Variants in PEX5L observed in about 807,000 individuals in gnomAD.
The protein encoded by PEX5L is peroxisomal biogenesis factor 5 like, also known as PEX5-related protein.
In PEX5L, 30 loss-of-function variants were observed where a neutral mutation model predicts 84.0. That is an observed-to-expected ratio of 0.36 (90% CI 0.27 to 0.48). The LOEUF is 0.48. PEX5L is among the 20% of genes least tolerant of loss of function. PEX5L has a pLI of 0.99. For missense variants in PEX5L, 533 were observed against 754.6 expected (o/e 0.71, Z 3.44); for synonymous variants, 270 against 283.1 (o/e 0.95, Z 0.46).
chr3:179,926,442 T>C (rs1771479656), intron 2 of PEX5L, among the ~76,000 whole-genome samples: 1 of 152,164 alleles, frequency 6.6e-6, no homozygotes, highest in African/African-American at 2.4e-5. Flanking sequence ...GCAGTTGCTG[T>C]CCCTTCTGCC....
At chr3:179,999,980 C>T (rs916969875) in intron 1 of PEX5L, among the ~76,000 whole-genome samples, 7 of 152,310 alleles carry the variant, frequency 4.6e-5, no homozygotes, top group Admixed American at 3.3e-4. Context: ...TCTGAATCAG[C>T]GTCCAATATA....
At chr3:179,966,796 T>C (rs1380516273) in intron 2 of PEX5L, among the ~76,000 whole-genome samples, 2 of 152,186 alleles carry the variant, frequency 1.3e-5, no homozygotes, top group Admixed American at 6.6e-5. Flanking sequence ...TAGTGTCCGT[T>C]GCTTTCTGCT....
intron 2 of PEX5L, among the ~76,000 whole-genome samples, chr3:179,947,856 G>A (rs551695866): frequency 6.6e-5 from 10 of 151,806 alleles, no homozygotes; most frequent in South Asian, 2.1e-4. Flanking sequence ...ACAGGCACCC[G>A]CCACCACGCC....
chr3:179,927,453 G>A (rs1202006092), intron 2 of PEX5L, among the ~76,000 whole-genome samples: 2 of 152,168 alleles, frequency 1.3e-5, no homozygotes, highest in African/African-American at 4.8e-5. Context: ...GTAGGCAGGG[G>A]CTAGCCTGTG....
Position 180,027,031 on chromosome 3 carries a change from T to C in PEX5L, c.21+9548A>G, listed in dbSNP as rs1391766621. On this transcript the variant is annotated intron_variant, in intron 1 of 14. Transcript: ENST00000467460. Reference sequence around the variant, plus strand: ...CTGCCCTCCATTTTGAAATAGGATTTTGGACACAGACAAGTAGCCATGGTA... The same window carrying C: ...CTGCCCTCCATTTTGAAATAGGATTCTGGACACAGACAAGTAGCCATGGTA... Among the ~76,000 whole-genome samples, 3 of 152,172 alleles carry C rather than the reference T, an allele frequency of 2.0e-5. No homozygotes were observed. The East Asian group carries it at 5.8e-4, about 29-fold the overall frequency.
intron 3 of PEX5L, among the ~76,000 whole-genome samples, chr3:179,892,543 T>A (rs1224324107): frequency 6.6e-6 from 1 of 152,150 alleles, no homozygotes; most frequent in African/African-American, 2.4e-5. Flanking sequence ...TCTAACTGAA[T>A]GGTAAACTGT....
intron 2 of PEX5L, chr3:179,900,785 T>G: frequency 7.6e-7 from 1 of 1,311,182 alleles, no homozygotes; most frequent in Non-Finnish European, 1.1e-6. Flanking sequence ...GCAACTTTTT[T>G]CTTTACAGCC....
chr3:179,818,241 A>G (rs1337848127), intron 9 of PEX5L, among the ~76,000 whole-genome samples: 1 of 151,852 alleles, frequency 6.6e-6, no homozygotes, highest in Non-Finnish European at 1.5e-5. Context: ...ATACTTATCT[A>G]TATATAGTTT....
rs541871407 is a variant in PEX5L, at chr3:180,015,181, G to A, written c.21+21398C>T. Among the ~76,000 whole-genome samples, 28 of 152,262 alleles carry A rather than the reference G, an allele frequency of 1.8e-4. No homozygotes were observed. The South Asian group carries it at 2.5e-3, about 14-fold the overall frequency. ...TTTTGCTGGAAGATGGGTTGGCTCC[G>A]TAAACCCCTTGAGGACAGGAACCAC... On this transcript the variant is annotated intron_variant, in intron 1 of 14. Coordinates refer to ENST00000467460, the MANE Select transcript of PEX5L (RefSeq NM_016559.3).
rs199952450 is a variant in PEX5L at position 179,824,460 on chromosome 3, CT to C, written c.823-4485del. Among the ~76,000 whole-genome samples the C allele has an allele frequency of 9.2e-3, 1,394 of 152,158 alleles. 18 individuals carry two copies. The highest frequency in any genetic ancestry group is 0.032 in the African/African-American group (1,327 of 41,496). ...GTGGCTCACGCCTGTAATCCCAAGA[CT>C]TTGGGAGACTGAGGCAGGTGGATCA... On this transcript the variant is annotated intron_variant, in intron 8 of 14. Coordinates refer to ENST00000467460, the MANE Select transcript of PEX5L (RefSeq NM_016559.3).
Position 179,798,763 on chromosome 3 carries a change from C to G in PEX5L, c.*3065G>C, listed in dbSNP as rs1376803701. On this transcript the variant is annotated 3_prime_UTR_variant, in exon 15 of 15. Coordinates refer to ENST00000467460, the MANE Select transcript of PEX5L (RefSeq NM_016559.3). ...GAAAGAGTAATTTAAATGACAATTT[C>G]ATGCCATGAAGATAAGATGCCAAAA... 1.3e-5 allele frequency: 2 copies of G among 152,152 alleles called. No individual in the cohort carries two copies. The highest frequency in any genetic ancestry group is 4.8e-5 in the African/African-American group (2 of 41,420). The allele number at this position is 152,152 out of a possible 1,614,324, so 9.4% of individuals were successfully genotyped here. A position where few individuals can be genotyped will look rare whatever the true frequency, so the allele number is the denominator to read the frequency against.
At chr3:179,968,557 T>C (rs991594030) in intron 2 of PEX5L, among the ~76,000 whole-genome samples, 1 of 152,160 alleles carries the variant, frequency 6.6e-6, no homozygotes, top group African/African-American at 2.4e-5. Context: ...ATGTCAAATG[T>C]TTGGGTTTTG....
chr3:179,800,803 T>C lies in PEX5L; in HGVS notation c.*1025A>G, dbSNP rs189551309. 19 of 152,334 alleles carry C rather than the reference T, an allele frequency of 1.2e-4. No individual in the cohort carries two copies. Among genetic ancestry groups the C allele is most frequent in the Admixed American group, 2.6e-4 (4 of 15,306 alleles). The allele number at this position is 152,334 out of a possible 1,614,324, so 9.4% of individuals were successfully genotyped here. A position where few individuals can be genotyped will look rare whatever the true frequency, so the allele number is the denominator to read the frequency against. On this transcript the variant is annotated 3_prime_UTR_variant, in exon 15 of 15. Coordinates refer to ENST00000467460, the MANE Select transcript of PEX5L (RefSeq NM_016559.3). ...TAAGAAATATTATTTAAAATATTTA[T>C]GGTTTAAAAGGAATATTGGTGTGCA...
intron 3 of PEX5L, among the ~76,000 whole-genome samples, chr3:179,890,947 G>A (rs1578104246): frequency 6.6e-6 from 1 of 151,256 alleles, no homozygotes; most frequent in Non-Finnish European, 1.5e-5. Context: ...GGGCCTGTCT[G>A]CTTTACCAAA....
rs111353139 is a variant in PEX5L at position 179,940,747 on chromosome 3, A to G, written c.93+30847T>C. 2.6e-3 allele frequency among the ~76,000 whole-genome samples: 400 copies of G among 152,324 alleles called. 7 individuals carry two copies. Among genetic ancestry groups the G allele is most frequent in the African/African-American group, 9.4e-3 (389 of 41,572 alleles). On this transcript the variant is annotated intron_variant, in intron 2 of 14. Coordinates refer to ENST00000467460, the MANE Select transcript of PEX5L (RefSeq NM_016559.3). ...ACATGGATCCAATCCTCAGAGGCCTAATTTAGAGAAATGTCTCCTTCATTT... is the reference window on the plus strand; with the variant it reads ...ACATGGATCCAATCCTCAGAGGCCTGATTTAGAGAAATGTCTCCTTCATTT...
At chr3:179,974,348 G>A (rs1162626634) in intron 1 of PEX5L, 3 of 214,162 alleles carry the variant, frequency 1.4e-5, no homozygotes, top group African/African-American at 2.4e-5. Flanking sequence ...CACTGGAGCT[G>A]AGGATTTCCA....
At chr3:180,015,478 A>G (rs1185576908) in intron 1 of PEX5L, among the ~76,000 whole-genome samples, 1 of 152,200 alleles carries the variant, frequency 6.6e-6, no homozygotes, top group African/African-American at 2.4e-5. Context: ...GACTCCATTC[A>G]TGGTAGAAAC....
intron 8 of PEX5L, among the ~76,000 whole-genome samples, chr3:179,821,949 C>G (rs1055472010): frequency 5.9e-5 from 9 of 152,178 alleles, no homozygotes; most frequent in African/African-American, 2.2e-4. Context: ...GCATACTTTG[C>G]TTTTATAATT....
chr3:179,912,241 A>G (rs1765425256), intron 2 of PEX5L, among the ~76,000 whole-genome samples: 1 of 152,146 alleles, frequency 6.6e-6, no homozygotes, highest in Non-Finnish European at 1.5e-5. Flanking sequence ...TCAATCTGCT[A>G]TAAATGGACT....
Sources: gnomAD v4.1 joint callset for allele counts (sites outside exome capture counted in the v4.1 genomes callset) on GRCh38, gnomAD v4.1.1 for gene constraint, MANE v1.5 for transcripts, NCBI Gene and HGNC (gene_info 2026-07-23, HGNC 2026-07-21) for gene names.